The following SMAD4 variants were observed in gnomAD, a reference collection of about 807,000 sequenced individuals.
The protein encoded by SMAD4 is SMAD family member 4, also known as MAD homolog 4.
Under a neutral mutation model 63.2 loss-of-function variants are expected in SMAD4, and 7 were observed. That is an observed-to-expected ratio of 0.11 (90% CI 0.06 to 0.21). The LOEUF (loss-of-function observed/expected upper bound fraction) is 0.21. Ranked by LOEUF, SMAD4 falls within the 10% of genes least tolerant of loss-of-function variation. The pLI is 1.00. For synonymous variants in SMAD4, 215 were observed against 235.4 expected (o/e 0.91, Z 0.79); for missense variants, 312 against 693.8 (o/e 0.45, Z 6.18).
chr18:51,055,394 T>C (rs1167787767), intron 5 of SMAD4, among the ~76,000 whole-genome samples: 2 of 152,192 alleles, frequency 1.3e-5, no homozygotes, highest in East Asian at 3.8e-4. Flanking sequence ...AATATTACCT[T>C]ATAGTAGTTG....
Position 51,079,742 on chromosome 18 carries a change from T to C in SMAD4, c.*1275T>C, listed in dbSNP as rs1236114359. On this transcript the variant is annotated 3_prime_UTR_variant, in exon 12 of 12. Transcript: ENST00000342988. ...AGACACAATATGTATGCTTTTTACC[T>C]AGCTGGTAGCATAAATAAAACTGAA... 4.3e-6 allele frequency: 1 copy of C among 233,266 alleles called. No homozygotes were observed. The highest frequency in any genetic ancestry group is 8.5e-6 in the Non-Finnish European group (1 of 117,888). The allele number at this position is 233,266 out of a possible 1,614,324, so 14.4% of individuals were successfully genotyped here.
In SMAD4 at chr18:51,051,636, C is replaced by T. The variant is rs535754682; in HGVS notation, c.454+2312C>T. Among the ~76,000 whole-genome samples, 19 of 152,226 alleles carry T rather than the reference C, an allele frequency of 1.2e-4. No individual in the cohort carries two copies. The South Asian group carries it at 3.7e-3, about 30-fold the overall frequency. ...GGTATGTTTTGTCTACTCAAGTGAG[C>T]TTATACTCTAGTGGAGGAGAGAAAA... On this transcript the variant is annotated intron_variant, in intron 4 of 11. Transcript: ENST00000342988.
chr18:51,058,957 C>T (rs1415938754), intron 7 of SMAD4, among the ~76,000 whole-genome samples: 1 of 152,030 alleles, frequency 6.6e-6, no homozygotes, highest in Non-Finnish European at 1.5e-5. Context: ...TTAGTAAAAT[C>T]GAGAGTATAA....
At position 51,084,998 on chromosome 18, in the gene SMAD4, T is replaced by C. The variant is rs889890805; in HGVS notation, c.*6531T>C. On this transcript the variant is annotated 3_prime_UTR_variant, in exon 12 of 12. Transcript: ENST00000342988. ...AAATAGTCGAACCTTTCTTGAGAAC[T>C]CTGTAACAAAGTATGTTTTTGATTA... The C allele has an allele frequency of 9.7e-6, 2 of 205,322 alleles. No individual in the cohort carries two copies. The highest frequency in any genetic ancestry group is 6.0e-5 in the Admixed American group (1 of 16,800). 12.7% of individuals were successfully genotyped at this position (205,322 alleles called of 1,614,324 possible).
chr18:51,042,320 C>T (rs1909410067), intron 1 of SMAD4, among the ~76,000 whole-genome samples: 2 of 133,004 alleles, frequency 1.5e-5, no homozygotes, highest in African/African-American at 2.8e-5. Flanking sequence ...TCCCTCCCTC[C>T]CTCCCTCCCT....
chr18:51,061,481 A>C (rs1910012064), intron 8 of SMAD4, among the ~76,000 whole-genome samples: 2 of 152,076 alleles, frequency 1.3e-5, no homozygotes, highest in African/African-American at 4.8e-5. Context: ...GGGTTCTTTC[A>C]CTTAACATAA....
chr18:51,065,628 A>G, intron 9 of SMAD4, 22 bp downstream of exon 9: 1 of 1,603,330 alleles, frequency 6.2e-7, no homozygotes, highest in Non-Finnish European at 8.5e-7. Context: ...ATAGTCAGAT[A>G]GTTACTTTAA....
intron 1 of SMAD4, among the ~76,000 whole-genome samples, chr18:51,031,561 A>G (rs1909051051): frequency 6.6e-6 from 1 of 152,212 alleles, no homozygotes; most frequent in Non-Finnish European, 1.5e-5. Context: ...ACAACAGGAT[A>G]ATAGCGGAAT....
intron 5 of SMAD4, among the ~76,000 whole-genome samples, chr18:51,056,352 C>T (rs1210053622): frequency 1.3e-5 from 2 of 151,970 alleles, no homozygotes; most frequent in Non-Finnish European, 2.9e-5. Flanking sequence ...GAATCCTATT[C>T]AAAGATTAGA....
intron 1 of SMAD4, among the ~76,000 whole-genome samples, chr18:51,037,978 T>G (rs191650049): frequency 3.3e-5 from 5 of 152,118 alleles, no homozygotes; most frequent in Admixed American, 2.6e-4. Context: ...GTGGTGATAT[T>G]AAGGAATGTG....
Position 51,058,231 on chromosome 18 carries a change from T to C in SMAD4, c.774T>C (p.Ala258=), listed in dbSNP as rs1226859336. 6.2e-7 allele frequency: 1 copy of C among 1,614,120 alleles called. No individual in the cohort carries two copies. Among genetic ancestry groups the C allele is most frequent in the South Asian group, 1.1e-5 (1 of 91,088 alleles). ...QQQNGFTGQP[A]TYHHNSTTTW... ...AGAATGGATTTACTGGTCAGCCAGCTACTTACCATCATAGTATGTACATAC... is the reference window on the plus strand; with the variant it reads ...AGAATGGATTTACTGGTCAGCCAGCCACTTACCATCATAGTATGTACATAC... Residue 258 remains alanine, a synonymous_variant, in exon 6 of 12, where the codon GCT becomes GCC. Coordinates refer to ENST00000342988, the MANE Select transcript of SMAD4 (RefSeq NM_005359.6).
intron 1 of SMAD4, among the ~76,000 whole-genome samples, chr18:51,041,228 A>T (rs143733392): frequency 2.6e-5 from 4 of 152,230 alleles, no homozygotes; most frequent in Non-Finnish European, 5.9e-5. Context: ...TCTACCATGA[A>T]CCTACTCTAG....
chr18:51,041,752 A>G (rs1909391549), intron 1 of SMAD4, among the ~76,000 whole-genome samples: 3 of 152,220 alleles, frequency 2.0e-5, no homozygotes, highest in Admixed American at 2.0e-4. Flanking sequence ...TTGTCAGTCT[A>G]ATTTCTGAGC....
rs145081087 is a variant in SMAD4 at position 51,034,402 on chromosome 18, A to C, written c.-128+3779A>C. Among the ~76,000 whole-genome samples the C allele has an allele frequency of 7.2e-4, 109 of 152,108 alleles. 1 individual carries two copies. The East Asian group carries it at 0.02, about 28-fold the overall frequency. Reference sequence around the variant, plus strand: ...GCTGAGATTACAGGCGTGCGCCACCATGCCAAGCTAATTTTTTTGTATTAT... The same window carrying C: ...GCTGAGATTACAGGCGTGCGCCACCCTGCCAAGCTAATTTTTTTGTATTAT... On this transcript the variant is annotated intron_variant, in intron 1 of 11. Coordinates refer to ENST00000342988, the MANE Select transcript of SMAD4 (RefSeq NM_005359.6).
chr18:51,045,933 G>A (rs964984549), intron 1 of SMAD4, among the ~76,000 whole-genome samples: 2 of 152,026 alleles, frequency 1.3e-5, no homozygotes, highest in African/African-American at 4.8e-5. Flanking sequence ...ATGTGTTTTC[G>A]AGGCTTATCC....
rs1910670995 is a variant in SMAD4 at position 51,083,852 on chromosome 18, T to C, written c.*5385T>C. On this transcript the variant is annotated 3_prime_UTR_variant, in exon 12 of 12. Coordinates refer to ENST00000342988, the MANE Select transcript of SMAD4 (RefSeq NM_005359.6). Reference sequence around the variant, plus strand: ...GCTGTTTGAGGGGGCTTTTTACTTATTTCCATGTTATTCAAAGGAGACTAG... The same window carrying C: ...GCTGTTTGAGGGGGCTTTTTACTTACTTCCATGTTATTCAAAGGAGACTAG... The C allele has an allele frequency of 4.3e-6, 1 of 231,584 alleles. No homozygotes were observed. The highest frequency in any genetic ancestry group is 2.2e-5 in the African/African-American group (1 of 45,254). The allele number at this position is 231,584 out of a possible 1,614,324, so 14.3% of individuals were successfully genotyped here.
chr18:51,079,582 C>T lies in SMAD4; in HGVS notation c.*1115C>T, dbSNP rs1910557880. ...ATTGTTTAAAATTCAGTTTTTGTAT[C>T]TTGGGGCAAGACTGCAAACTTTTTT... is the stretch of plus-strand genomic sequence containing the variant. On this transcript the variant is annotated 3_prime_UTR_variant, in exon 12 of 12. Coordinates refer to ENST00000342988, the MANE Select transcript of SMAD4 (RefSeq NM_005359.6). The T allele has an allele frequency of 4.3e-6, 1 of 233,184 alleles. No homozygotes were observed. The highest frequency in any genetic ancestry group is 2.2e-5 in the African/African-American group (1 of 45,290). 14.4% of individuals were successfully genotyped at this position (233,184 alleles called of 1,614,324 possible). A position where few individuals can be genotyped will look rare whatever the true frequency, so the allele number is the denominator to read the frequency against.
intron 2 of SMAD4, among the ~76,000 whole-genome samples, chr18:51,048,052 C>T (rs1035089776): frequency 3.9e-5 from 6 of 152,230 alleles, no homozygotes; most frequent in Non-Finnish European, 7.3e-5. Context: ...CATAATACAG[C>T]TCCCTTGCTT....
intron 8 of SMAD4, 36 bp from the exon 9 acceptor site, chr18:51,065,387 C>T (rs2144446045): frequency 6.4e-7 from 1 of 1,554,472 alleles, no homozygotes; most frequent in Non-Finnish European, 8.9e-7. Flanking sequence ...ATATCTTTCT[C>T]ATGGGAGGAT....
Sources: gnomAD v4.1 joint callset for allele counts (sites outside exome capture counted in the v4.1 genomes callset) on GRCh38, gnomAD v4.1.1 for gene constraint, MANE v1.5 for transcripts, NCBI Gene and HGNC (gene_info 2026-07-23, HGNC 2026-07-21) for gene names.